Variants in MEIS2 observed in about 807,000 individuals in gnomAD.
MEIS2 encodes the protein Meis homeobox 2, also known as homeobox protein Meis2.
A neutral mutation model predicts 58.6 loss-of-function variants in MEIS2; 9 were observed. The observed-to-expected ratio is 0.15, with a 90% CI of 0.09 to 0.27. MEIS2 has a LOEUF of 0.27. MEIS2 is among the 10% of genes least tolerant of loss of function. The pLI is 1.00. For missense variants in MEIS2, 427 were observed against 635.0 expected (o/e 0.67, Z 3.52); for synonymous variants, 221 against 228.4 (o/e 0.97, Z 0.29).
rs571091781 is a variant in MEIS2, at chr15:37,093,640, C to T, written c.580G>A (p.Gly194Ser). ...TCTTCATGATCTGACTTGGAGCTGC[C>T]GTCTCTTTCATCAATGACGAGGTCG... ...PIDLVIDERD[G>S]SSKSDHEELS... Residue 194 changes from glycine to serine, a missense_variant, in exon 6 of 12, where the codon GGC becomes AGC. Gly to Ser is a moderately conservative substitution (Grantham distance 56). Coordinates refer to ENST00000561208, the MANE Select transcript of MEIS2 (RefSeq NM_170675.5). The T allele has an allele frequency of 1.8e-5, 29 of 1,614,106 alleles. No homozygotes were observed. Among genetic ancestry groups the T allele is most frequent in the South Asian group, 5.5e-5 (5 of 91,070 alleles).
At chr15:36,954,046 A>G (rs2058860371) in intron 8 of MEIS2, among the ~76,000 whole-genome samples, 1 of 152,214 alleles carries the variant, frequency 6.6e-6, no homozygotes, top group Non-Finnish European at 1.5e-5. Context: ...TGATGTTTTG[A>G]AATTTTAAGT....
chr15:37,005,317 T>TGA (rs1206145180), intron 8 of MEIS2, among the ~76,000 whole-genome samples: 1 of 152,114 alleles, frequency 6.6e-6, no homozygotes, highest in Non-Finnish European at 1.5e-5. Flanking sequence ...AAAACGAATA[T>TGA]GAGAAAAGTG....
At chr15:37,004,716 A>G (rs1382790545) in intron 8 of MEIS2, among the ~76,000 whole-genome samples, 1 of 152,222 alleles carries the variant, frequency 6.6e-6, no homozygotes, top group Non-Finnish European at 1.5e-5. Context: ...AAAGCCCAGC[A>G]GGATCCCTTG....
chr15:36,995,991 A>G (rs1362333345), intron 8 of MEIS2, among the ~76,000 whole-genome samples: 19 of 50,072 alleles, frequency 3.8e-4, no homozygotes, highest in East Asian at 2.3e-3. Context: ...ATATATATAT[A>G]TATATATATA....
intron 9 of MEIS2, among the ~76,000 whole-genome samples, chr15:36,928,497 A>ATGTTCCAAAATCTCTCCTTTC (rs2057838470): frequency 6.6e-6 from 1 of 152,156 alleles, no homozygotes; most frequent in Non-Finnish European, 1.5e-5. Flanking sequence ...CACATCCTTT[A>ATGTTCCAAAATCTCTCCTTTC]TGTTCCAAAA....
intron 8 of MEIS2, among the ~76,000 whole-genome samples, chr15:37,003,637 T>G (rs544178341): frequency 6.6e-6 from 1 of 152,314 alleles, no homozygotes; most frequent in Non-Finnish European, 1.5e-5. Flanking sequence ...TTTCTCCAAA[T>G]TTCTTCCTAA....
chr15:37,072,888 T>C (rs939491415), intron 7 of MEIS2, among the ~76,000 whole-genome samples: 1 of 152,020 alleles, frequency 6.6e-6, no homozygotes, highest in Non-Finnish European at 1.5e-5. Context: ...TCCACAGATG[T>C]TTCAGACAGA....
intron 8 of MEIS2, among the ~76,000 whole-genome samples, chr15:36,954,937 C>A (rs910494422): frequency 3.3e-5 from 5 of 152,176 alleles, no homozygotes; most frequent in African/African-American, 7.2e-5. Flanking sequence ...GATGATGCCA[C>A]TCATTCATGA....
intron 7 of MEIS2, among the ~76,000 whole-genome samples, chr15:37,058,969 GT>G (rs1363420079): frequency 6.6e-6 from 1 of 152,104 alleles, no homozygotes; most frequent in Non-Finnish European, 1.5e-5. Context: ...AGAAAAGACT[GT>G]TCTGTAAGAA....
At chr15:37,029,639 G>A (rs985148259) in intron 8 of MEIS2, among the ~76,000 whole-genome samples, 1 of 152,094 alleles carries the variant, frequency 6.6e-6, no homozygotes, top group Non-Finnish European at 1.5e-5. Flanking sequence ...GCGGCTTCAA[G>A]CAGCTAGAAA....
chr15:36,989,204 G>C (rs529827595), intron 8 of MEIS2, among the ~76,000 whole-genome samples: 1 of 152,264 alleles, frequency 6.6e-6, no homozygotes, highest in African/African-American at 2.4e-5. Context: ...TAACAAGTCA[G>C]GACAGAACTA....
intron 9 of MEIS2, among the ~76,000 whole-genome samples, chr15:36,927,918 T>C (rs1468277730): frequency 6.6e-6 from 1 of 152,000 alleles, no homozygotes; most frequent in Non-Finnish European, 1.5e-5. Flanking sequence ...ATAAATAACA[T>C]AAATAAACAA....
At chr15:37,069,071 C>CT (rs1374451522) in intron 7 of MEIS2, among the ~76,000 whole-genome samples, 3 of 151,892 alleles carry the variant, frequency 2.0e-5, no homozygotes, top group Non-Finnish European at 4.4e-5. Flanking sequence ...TTCTTTTTTT[C>CT]TTTTTTGCCA....
At chr15:37,031,036 CCTTCTG>C (rs2061901322) in intron 8 of MEIS2, among the ~76,000 whole-genome samples, 1 of 152,172 alleles carries the variant, frequency 6.6e-6, no homozygotes, top group Non-Finnish European at 1.5e-5. Flanking sequence ...TTGGTCAAAG[CCTTCTG>C]CTAGCCATTT....
chr15:37,029,180 C>T (rs1260622174), intron 8 of MEIS2, among the ~76,000 whole-genome samples: 2 of 152,096 alleles, frequency 1.3e-5, no homozygotes, highest in Non-Finnish European at 2.9e-5. Context: ...AGGGGCGGCC[C>T]CACTATGCTG....
At chr15:37,029,687 C>G (rs1184004639) in intron 8 of MEIS2, among the ~76,000 whole-genome samples, 1 of 152,148 alleles carries the variant, frequency 6.6e-6, no homozygotes, top group Non-Finnish European at 1.5e-5. Context: ...TACCTAACAT[C>G]TGTGCAGCAC....
At chr15:37,037,756 C>G (rs1053590534) in intron 7 of MEIS2, among the ~76,000 whole-genome samples, 1 of 152,358 alleles carries the variant, frequency 6.6e-6, no homozygotes, top group African/African-American at 2.4e-5. Context: ...ACTCTTCTGG[C>G]AAGGCATTGC....
intron 9 of MEIS2, among the ~76,000 whole-genome samples, chr15:36,926,861 C>T (rs1295732302): frequency 6.6e-6 from 1 of 152,138 alleles, no homozygotes; most frequent in East Asian, 1.9e-4. Context: ...TTCAATACAC[C>T]CCAACAGCCA....
At chr15:36,917,337 T>A (rs1054639190) in intron 9 of MEIS2, among the ~76,000 whole-genome samples, 2 of 152,184 alleles carry the variant, frequency 1.3e-5, no homozygotes, top group African/African-American at 4.8e-5. Flanking sequence ...TAGAAAAACA[T>A]AGAATGTGCA....
Sources: allele counts gnomAD v4.1 joint callset (sites outside exome capture counted in the v4.1 genomes callset), GRCh38; gene constraint gnomAD v4.1.1; transcripts MANE v1.5; gene names NCBI Gene and HGNC (gene_info 2026-07-23, HGNC 2026-07-21).